Variants in KCNH7 observed in about 807,000 individuals in gnomAD.
KCNH7 encodes the protein potassium voltage-gated channel subfamily H member 7.
KCNH7 carries 49 observed loss-of-function variants against 120.8 expected under a neutral mutation model. The observed-to-expected ratio is 0.41, with a 90% CI of 0.32 to 0.51. The LOEUF is 0.51. Ranked by LOEUF, KCNH7 falls within the 20% of genes least tolerant of loss-of-function variation. KCNH7 has a pLI of 0.38. For missense variants in KCNH7, 1,097 were observed against 1,446.6 expected (o/e 0.76, Z 3.92); for synonymous variants, 547 against 516.1 (o/e 1.06, Z -0.81).
At chr2:162,642,722 C>A (rs113786315) in intron 2 of KCNH7, among the ~76,000 whole-genome samples, 2 of 152,180 alleles carry the variant, frequency 1.3e-5, no homozygotes, top group Admixed American at 6.6e-5. Context: ...AAGCCACAGA[C>A]GTGCTTTAGG....
At chr2:162,613,430 C>A (rs2105975690) in intron 2 of KCNH7, among the ~76,000 whole-genome samples, 1 of 151,904 alleles carries the variant, frequency 6.6e-6, no homozygotes, top group East Asian at 1.9e-4. Context: ...AATCCTCAGG[C>A]AAATGAAAAA....
At chr2:162,579,768 C>T (rs1051373469) in intron 2 of KCNH7, among the ~76,000 whole-genome samples, 1 of 151,818 alleles carries the variant, frequency 6.6e-6, no homozygotes, top group African/African-American at 2.4e-5. Context: ...TGAACCCTAG[C>T]GAAGACAGGC....
rs564960067 is a variant in KCNH7, at chr2:162,788,775, G to A, written c.307+47762C>T. Among the ~76,000 whole-genome samples, 70 of 151,956 alleles carry A rather than the reference G, an allele frequency of 4.6e-4. 2 individuals are homozygous for A. In the Middle Eastern group the frequency reaches 0.01, roughly 22 times the overall value. On this transcript the variant is annotated intron_variant, in intron 2 of 15. Transcript: ENST00000332142. The stretch of plus-strand genomic sequence containing the variant: ...AGATGAATATCTACATTCATAAAAT[G>A]TAAATTACCCCAAATAGATCAAACA...
intron 12 of KCNH7, among the ~76,000 whole-genome samples, chr2:162,392,591 G>T (rs920707965): frequency 3.9e-5 from 6 of 151,990 alleles, no homozygotes; most frequent in Admixed American, 2.6e-4. Context: ...CATCTGCTGT[G>T]CAGCAAGCAC....
chr2:162,691,381 T>C (rs1319237096), intron 2 of KCNH7, among the ~76,000 whole-genome samples: 2 of 152,198 alleles, frequency 1.3e-5, no homozygotes, highest in Admixed American at 6.5e-5. Context: ...TGGAGACTTT[T>C]GTTTGAGTGA....
intron 3 of KCNH7, among the ~76,000 whole-genome samples, chr2:162,521,706 A>G (rs762927509): frequency 1.3e-5 from 2 of 151,866 alleles, no homozygotes; most frequent in Non-Finnish European, 2.9e-5. Flanking sequence ...AATCAGTGTA[A>G]TTGGGATATG....
At chr2:162,458,976 C>T (rs1689062863) in intron 6 of KCNH7, among the ~76,000 whole-genome samples, 1 of 149,852 alleles carries the variant, frequency 6.7e-6, no homozygotes, top group African/African-American at 2.5e-5. Context: ...CACTGCATTC[C>T]AGTCTGGGCA....
At chr2:162,418,563 C>T (rs1167368942) in intron 9 of KCNH7, among the ~76,000 whole-genome samples, 1 of 152,116 alleles carries the variant, frequency 6.6e-6, no homozygotes, top group South Asian at 2.1e-4. Flanking sequence ...TTATACTTCG[C>T]TATGGTGTAT....
chr2:162,569,818 G>A (rs1340619146), intron 2 of KCNH7, among the ~76,000 whole-genome samples: 7 of 139,170 alleles, frequency 5.0e-5, no homozygotes, highest in African/African-American at 1.7e-4. Context: ...AGGTTGTTCA[G>A]TGTCCATGTA....
At chr2:162,412,550 A>C (rs1227765362) in intron 9 of KCNH7, among the ~76,000 whole-genome samples, 2 of 152,184 alleles carry the variant, frequency 1.3e-5, no homozygotes, top group Non-Finnish European at 2.9e-5. Context: ...AAAAATGGCC[A>C]GCTACTGACA....
chr2:162,666,437 G>A (rs1039590241), intron 2 of KCNH7, among the ~76,000 whole-genome samples: 7 of 145,570 alleles, frequency 4.8e-5, no homozygotes, highest in Admixed American at 3.5e-4. Flanking sequence ...TCCAAAGAAC[G>A]TGTCCTTCTA....
chr2:162,716,115 A>T (rs1462184969), intron 2 of KCNH7, among the ~76,000 whole-genome samples: 1 of 152,158 alleles, frequency 6.6e-6, no homozygotes, highest in Non-Finnish European at 1.5e-5. Flanking sequence ...CTATCTATAT[A>T]AAATAGGTTT....
At position 162,704,553 on chromosome 2, in the gene KCNH7, A is replaced by G. The variant is rs548585978; in HGVS notation, c.307+131984T>C. Among the ~76,000 whole-genome samples the G allele has an allele frequency of 5.3e-5, 8 of 152,290 alleles. No homozygotes were observed. In the East Asian group the frequency reaches 1.4e-3, roughly 26 times the overall value. Reference sequence around the variant, plus strand: ...TTCAGAAACTTTTGTCTTTTTGAAGAGCTATTATTTTTAAATATGTGGTTC... The same window carrying G: ...TTCAGAAACTTTTGTCTTTTTGAAGGGCTATTATTTTTAAATATGTGGTTC... On this transcript the variant is annotated intron_variant, in intron 2 of 15. Transcript: ENST00000332142.
chr2:162,423,923 G>T (rs1280724731), intron 8 of KCNH7, among the ~76,000 whole-genome samples: 1 of 151,976 alleles, frequency 6.6e-6, no homozygotes, highest in East Asian at 1.9e-4. Flanking sequence ...ATCTTTTAGG[G>T]ATTTAAAAAC....
chr2:162,749,277 C>A (rs1688459524), intron 2 of KCNH7, among the ~76,000 whole-genome samples: 1 of 150,984 alleles, frequency 6.6e-6, no homozygotes, highest in East Asian at 2.0e-4. Flanking sequence ...TTTTTTTAAA[C>A]ACACTGCACT....
At chr2:162,737,926 A>T (rs772548687) in intron 2 of KCNH7, among the ~76,000 whole-genome samples, 15 of 151,974 alleles carry the variant, frequency 9.9e-5, no homozygotes, top group Non-Finnish European at 2.2e-4. Context: ...TTAGCCACGT[A>T]TGGTGGCGCA....
At chr2:162,805,998 C>T (rs1475427416) in intron 2 of KCNH7, among the ~76,000 whole-genome samples, 6 of 152,012 alleles carry the variant, frequency 3.9e-5, no homozygotes, top group African/African-American at 7.2e-5. Context: ...AACCAAATAC[C>T]GTATGTTCTC....
At chr2:162,757,823 T>A (rs1178823365) in intron 2 of KCNH7, among the ~76,000 whole-genome samples, 1 of 152,138 alleles carries the variant, frequency 6.6e-6, no homozygotes, top group East Asian at 1.9e-4. Context: ...ATGGTCAAGT[T>A]ATCTAGTTTT....
chr2:162,601,654 T>G (rs1441516491), intron 2 of KCNH7, among the ~76,000 whole-genome samples: 3 of 152,024 alleles, frequency 2.0e-5, no homozygotes, highest in African/African-American at 7.2e-5. Context: ...TACTAAACGA[T>G]GTACTCAGGC....
Sources: allele counts gnomAD v4.1 joint callset (sites outside exome capture counted in the v4.1 genomes callset), GRCh38; gene constraint gnomAD v4.1.1; transcripts MANE v1.5; gene names NCBI Gene and HGNC (gene_info 2026-07-23, HGNC 2026-07-21).